Variants in PPP2R2A observed in about 807,000 individuals in gnomAD.
PPP2R2A encodes protein phosphatase 2 regulatory subunit Balpha, also known as serine/threonine-protein phosphatase 2A 55 kDa regulatory subunit B alpha isoform.
Under a neutral mutation model 53.2 loss-of-function variants are expected in PPP2R2A, and 9 were observed. The observed-to-expected ratio is 0.17, with a 90% confidence interval of 0.10 to 0.30. The LOEUF (loss-of-function observed/expected upper bound fraction) is 0.30, where lower values mean the gene tolerates loss of function less well. Among genes scored for constraint, PPP2R2A ranks in the 10% least tolerant of loss-of-function variants. The pLI is 1.00. For synonymous variants in PPP2R2A, 169 were observed against 174.2 expected (o/e 0.97, Z 0.23); for missense variants, 235 against 534.6 (o/e 0.44, Z 5.53).
chr8:26,349,461 C>T (rs1804385109), intron 3 of PPP2R2A, among the ~76,000 whole-genome samples: 1 of 152,158 alleles, frequency 6.6e-6, no homozygotes, highest in Non-Finnish European at 1.5e-5. Context: ...TGTCCAAACA[C>T]CTCTCTGAGG....
At chr8:26,346,779 G>C (rs542902394) in intron 3 of PPP2R2A, among the ~76,000 whole-genome samples, 1 of 152,168 alleles carries the variant, frequency 6.6e-6, no homozygotes, top group African/African-American at 2.4e-5. Flanking sequence ...GAATTTTCTA[G>C]CGAACTTCAT....
chr8:26,369,754 C>A (rs939380497), intron 9 of PPP2R2A, among the ~76,000 whole-genome samples: 1 of 152,184 alleles, frequency 6.6e-6, no homozygotes, highest in African/African-American at 2.4e-5. Flanking sequence ...CTACTTCATG[C>A]GGGGTTCTTT....
chr8:26,345,678 TG>T (rs1477157602), intron 3 of PPP2R2A, among the ~76,000 whole-genome samples: 3 of 152,218 alleles, frequency 2.0e-5, no homozygotes, highest in African/African-American at 7.2e-5. Context: ...TTTTCAGGGT[TG>T]GGAGGTGAGC....
rs147101850 is a variant in PPP2R2A at position 26,362,227 on chromosome 8, C to A, written c.638-457C>A. Among the ~76,000 whole-genome samples the A allele has an allele frequency of 6.3e-3, 951 of 151,608 alleles. 11 individuals are homozygous for A. Among genetic ancestry groups the A allele is most frequent in the African/African-American group, 0.022 (892 of 41,344 alleles). On this transcript the variant is annotated intron_variant, in intron 6 of 9. Transcript: ENST00000380737. The surrounding 1 kb of genome is among the most constrained non-coding windows in gnomAD (Gnocchi z 4.4). ...TCTATTGAGGCCGGGCACAGTGACTCATGCCTGTAATCCCAGCACTTTGGG... is the reference window on the plus strand; with the variant it reads ...TCTATTGAGGCCGGGCACAGTGACTAATGCCTGTAATCCCAGCACTTTGGG...
chr8:26,315,349 T>C (rs2117248101), intron 2 of PPP2R2A, among the ~76,000 whole-genome samples: 1 of 152,262 alleles, frequency 6.6e-6, no homozygotes, highest in East Asian at 1.9e-4. Flanking sequence ...GTGTCTTATC[T>C]CAGTGGGAGG....
chr8:26,322,007 A>G (rs192421970), intron 2 of PPP2R2A, among the ~76,000 whole-genome samples: 1 of 152,318 alleles, frequency 6.6e-6, no homozygotes, highest in Non-Finnish European at 1.5e-5. Flanking sequence ...ACATACAGAG[A>G]ATGATAGACA....
chr8:26,347,321 GGTT>G (rs1234720283), intron 3 of PPP2R2A, among the ~76,000 whole-genome samples: 5 of 151,950 alleles, frequency 3.3e-5, no homozygotes, highest in Non-Finnish European at 5.9e-5. Flanking sequence ...TCCATTCCTT[GGTT>G]GTTGATAGAA....
rs1801302659 is a variant in PPP2R2A, at chr8:26,291,726, C to A, written c.-94C>A. On this transcript the variant is annotated 5_prime_UTR_variant, in exon 1 of 10. Transcript: ENST00000380737. The stretch of plus-strand genomic sequence containing the variant: ...CCCGCAGGTGCCATCCGCCGCCATC[C>A]GCCCTCTCTACCCCCCCATCCCCAG... 5 of 1,338,092 alleles carry A rather than the reference C, an allele frequency of 3.7e-6. No homozygotes were observed. The highest frequency in any genetic ancestry group is 5.1e-6 in the Non-Finnish European group (5 of 972,218). The allele number at this position is 1,338,092 out of a possible 1,614,324, so 82.9% of individuals were successfully genotyped here. A position where few individuals can be genotyped will look rare whatever the true frequency, so the allele number is the denominator to read the frequency against.
intron 2 of PPP2R2A, among the ~76,000 whole-genome samples, chr8:26,330,720 G>A (rs2117298455): frequency 6.6e-6 from 1 of 152,120 alleles, no homozygotes; most frequent in East Asian, 1.9e-4. Context: ...TTCTGGCTCT[G>A]TTTACACTGG....
chr8:26,335,314 A>G (rs1177853112), intron 2 of PPP2R2A, among the ~76,000 whole-genome samples: 1 of 152,218 alleles, frequency 6.6e-6, no homozygotes, highest in Non-Finnish European at 1.5e-5. Context: ...AGCATCATCC[A>G]TAAACTTAGA....
intron 3 of PPP2R2A, chr8:26,350,545 C>G (rs940456491): frequency 6.6e-6 from 1 of 152,180 alleles, no homozygotes; most frequent in Non-Finnish European, 1.5e-5. Context: ...AGACTACAGG[C>G]GTGCACTGCA....
chr8:26,347,172 CT>C (rs1223241486), intron 3 of PPP2R2A, among the ~76,000 whole-genome samples: 4,101 of 140,902 alleles, frequency 0.029, 102 homozygotes, highest in African/African-American at 0.081. Context: ...TAAAATGAAT[CT>C]TTTTTTTTTT....
chr8:26,365,307 T>A (rs1805313693), intron 8 of PPP2R2A: 1 of 152,198 alleles, frequency 6.6e-6, no homozygotes, highest in Non-Finnish European at 1.5e-5. Context: ...TTCTTACTGA[T>A]TTTTTTGTGT....
At chr8:26,328,357 A>G (rs889488367) in intron 2 of PPP2R2A, among the ~76,000 whole-genome samples, 1 of 152,232 alleles carries the variant, frequency 6.6e-6, no homozygotes, top group Non-Finnish European at 1.5e-5. Flanking sequence ...TGGTAATATT[A>G]ATATGTAAAA....
Position 26,291,615 on chromosome 8 carries a change from G to T in PPP2R2A, c.-205G>T, listed in dbSNP as rs1801297315. ...CCGCTGCCGGAGAAAGAGCACGAGC[G>T]GGGAAGCCCCAGAGTGAAATCTAGC... On this transcript the variant is annotated 5_prime_UTR_variant, in exon 1 of 10. Transcript: ENST00000380737. 1.7e-6 allele frequency: 1 copy of T among 578,098 alleles called. No individual in the cohort carries two copies. Among genetic ancestry groups the T allele is most frequent in the East Asian group, 3.3e-5 (1 of 29,976 alleles). 35.8% of individuals were successfully genotyped at this position (578,098 alleles called of 1,614,324 possible).
At chr8:26,296,423 G>A (rs1006159293) in intron 2 of PPP2R2A, among the ~76,000 whole-genome samples, 2 of 152,144 alleles carry the variant, frequency 1.3e-5, no homozygotes, top group African/African-American at 4.8e-5. Context: ...CTTTGTTTTT[G>A]CTGCTTCCAC....
At chr8:26,331,126 T>A (rs1160460827) in intron 2 of PPP2R2A, among the ~76,000 whole-genome samples, 1 of 152,160 alleles carries the variant, frequency 6.6e-6, no homozygotes, top group Non-Finnish European at 1.5e-5. Flanking sequence ...GTACTCTGCC[T>A]TTACGTTGTA....
chr8:26,304,352 C>T (rs1290579115), intron 2 of PPP2R2A, among the ~76,000 whole-genome samples: 2 of 151,616 alleles, frequency 1.3e-5, no homozygotes, highest in African/African-American at 4.9e-5. Context: ...GGATTTTGAA[C>T]CAGTTGCTTA....
At chr8:26,335,361 CT>C (rs1307143844) in intron 2 of PPP2R2A, among the ~76,000 whole-genome samples, 1 of 152,152 alleles carries the variant, frequency 6.6e-6, no homozygotes, top group African/African-American at 2.4e-5. Context: ...TTTCTCTTCT[CT>C]TTTGTTTAAG....
Sources: gnomAD v4.1 joint callset for allele counts (sites outside exome capture counted in the v4.1 genomes callset) on GRCh38, gnomAD v4.1.1 for gene constraint, Gnocchi (gnomAD v3.1) non-coding constraint, MANE v1.5 for transcripts, NCBI Gene and HGNC (gene_info 2026-07-23, HGNC 2026-07-21) for gene names.